The following SLC26A3 variants were observed in gnomAD, a reference collection of about 807,000 sequenced individuals.
The protein encoded by SLC26A3 is solute carrier family 26 member 3.
Under a neutral mutation model 85.6 loss-of-function variants are expected in SLC26A3, and 64 were observed. The ratio of observed to expected loss-of-function variants is 0.75; its 90% CI spans 0.61 to 0.92. The LOEUF is 0.92. SLC26A3 is among the 40% of genes least tolerant of loss of function. The pLI is 0.00. For synonymous variants in SLC26A3, 349 were observed against 336.0 expected, an observed-to-expected ratio of 1.04 and a Z score of -0.42; for missense variants, 922 against 927.3, an observed-to-expected ratio of 0.99 and a Z score of 0.07.
In SLC26A3 at chr7:107,782,786, G is replaced by C; in HGVS notation, c.1311+11C>G. ...ACTAAAAGTAGAGATGCTATCCAAAGACAGTGTTACCTTTTGTAGAGGCGC... is the reference window on the plus strand; with the variant it reads ...ACTAAAAGTAGAGATGCTATCCAAACACAGTGTTACCTTTTGTAGAGGCGC... On this transcript the variant is annotated intron_variant, in intron 11 of 20. Transcript: ENST00000340010. The C allele has an allele frequency of 6.2e-7, 1 of 1,612,548 alleles. No individual in the cohort carries two copies.
At chr7:107,797,858 A>G (rs1794536623) in intron 1 of SLC26A3, among the ~76,000 whole-genome samples, 1 of 151,380 alleles carries the variant, frequency 6.6e-6, no homozygotes, top group Admixed American at 6.6e-5. Context: ...TTTCACCTGA[A>G]CAAGTTACAT....
intron 12 of SLC26A3, among the ~76,000 whole-genome samples, chr7:107,779,276 T>A (rs1794178707): frequency 6.6e-6 from 1 of 152,172 alleles, no homozygotes; most frequent in South Asian, 2.1e-4. Flanking sequence ...CCAAAAGCAA[T>A]GTTCAGAAAT....
chr7:107,776,423 G>GA (rs771040356), intron 15 of SLC26A3, 29 bp downstream of exon 15: 2 of 1,551,050 alleles, frequency 1.3e-6, no homozygotes, highest in Non-Finnish European at 1.8e-6. Flanking sequence ...AGATTACAAG[G>GA]AAAAAAATTA....
rs60147601 is a variant in SLC26A3 at position 107,776,692 on chromosome 7, G to A, written c.1529C>T (p.Thr510Met). The A allele has an allele frequency of 1.3e-3, 2,164 of 1,613,546 alleles. 26 individuals carry two copies. In the African/African-American group the frequency reaches 0.025, roughly 19 times the overall value. Reference sequence around the variant, plus strand: ...GTTGGTTCTTCCAATATTAGCCAGCGTGCTGCATTTTGGACTGTAGGGAGA... The same window carrying A: ...GTTGGTTCTTCCAATATTAGCCAGCATGCTGCATTTTGGACTGTAGGGAGA... Reference protein sequence around the residue: ...VFRTQFPKCSTLANIGRTNIY... With the variant: ...VFRTQFPKCSMLANIGRTNIY... The change falls in exon 14 of 21, where the codon ACG (threonine) becomes ATG (methionine). Residue 510 changes from threonine to methionine, a missense_variant. Physicochemically the swap from Thr to Met is moderately conservative, Grantham distance 81 (BLOSUM62 -1). Transcript: ENST00000340010.
chr7:107,792,085 A>T (rs1197512957), intron 3 of SLC26A3, 145 bp from the exon 4 acceptor site: 1 of 607,426 alleles, frequency 1.6e-6, no homozygotes, highest in East Asian at 2.9e-5. Context: ...AAATGTAAGA[A>T]CTAAAACTAT....
chr7:107,776,332 C>T, intron 15 of SLC26A3, 120 bp downstream of exon 15: 1 of 846,134 alleles, frequency 1.2e-6, no homozygotes, highest in Non-Finnish European at 2.0e-6. Context: ...AAAATACTGA[C>T]ACAACCCCAC....
At chr7:107,799,451 C>A (rs1241069974) in intron 1 of SLC26A3, among the ~76,000 whole-genome samples, 1 of 151,962 alleles carries the variant, frequency 6.6e-6, no homozygotes, top group Non-Finnish European at 1.5e-5. Flanking sequence ...AGTGCAGTGG[C>A]GCGATTTCAT....
intron 8 of SLC26A3, among the ~76,000 whole-genome samples, chr7:107,785,255 A>G (rs1794274041): frequency 6.6e-6 from 1 of 152,210 alleles, no homozygotes; most frequent in South Asian, 2.1e-4. Flanking sequence ...AGCCAAGAAC[A>G]TTGAGGCACA....
rs751549131 is a variant in SLC26A3 at position 107,773,979 on chromosome 7, T to C, written c.1948A>G (p.Ile650Val). ...EVPKISLHSL[I>V]LDFSAVSFLD... ...AAGGACACTGCTGAAAAGTCAAGAA[T>C]GAGGCTGTGGAGGCTGATTTTGGGG... is the stretch of plus-strand genomic sequence containing the variant. Residue 650 changes from isoleucine (I) to valine (V), a missense_variant, in exon 17 of 21, where the codon ATT becomes GTT. Ile to Val is a conservative substitution (Grantham distance 29). Transcript: ENST00000340010. 3.7e-6 allele frequency: 6 copies of C among 1,614,028 alleles called. No homozygotes were observed. The highest frequency in any genetic ancestry group is 4.2e-6 in the Non-Finnish European group (5 of 1,180,012).
chr7:107,793,727 TA>T lies in SLC26A3; in HGVS notation c.271+14del, dbSNP rs748141043. ...AATTTTATTGTATATAAATTATACT[TA>T]AAAAAAATTTTACCTTGTAGTACGG... On this transcript the variant is annotated intron_variant, in intron 3 of 20. Transcript: ENST00000340010. The T allele has an allele frequency of 1.6e-4, 252 of 1,594,460 alleles. No individual in the cohort carries two copies. In the African/African-American group the frequency reaches 2.3e-3, roughly 15 times the overall value.
chr7:107,798,749 A>G (rs1461163555), intron 1 of SLC26A3, among the ~76,000 whole-genome samples: 5 of 152,186 alleles, frequency 3.3e-5, no homozygotes, highest in African/African-American at 1.2e-4. Flanking sequence ...CGATAGAGAC[A>G]TCACTGAAAA....
intron 13 of SLC26A3, 34 bp downstream of exon 13, chr7:107,778,141 G>T: frequency 6.9e-7 from 1 of 1,442,468 alleles, no homozygotes; most frequent in Non-Finnish European, 9.8e-7. Context: ...GCAGGTCCAA[G>T]CCTGCCAGGA....
Position 107,774,135 on chromosome 7 carries a change from C to T in SLC26A3, c.1792G>A (p.Val598Ile), listed in dbSNP as rs1031212863. ...QVTPKGFICTVDTIKDSDEEL... is the reference protein window; with the variant it reads ...QVTPKGFICTIDTIKDSDEEL... The stretch of plus-strand genomic sequence containing the variant: ...TCGTCAGAATCTTTTATGGTGTCAA[C>T]AGTACATATAAATCCTTTCTGCAGG... The change falls in exon 17 of 21, where the codon GTT becomes ATT. Residue 598 changes from valine (V) to isoleucine (I), a missense_variant. Val to Ile is a conservative substitution (Grantham distance 29). Coordinates refer to ENST00000340010, the MANE Select transcript of SLC26A3 (RefSeq NM_000111.3). The T allele has an allele frequency of 1.1e-5, 17 of 1,613,664 alleles. No homozygotes were observed. The highest frequency in any genetic ancestry group is 1.3e-5 in the Non-Finnish European group (15 of 1,179,588).
At chr7:107,796,761 G>A (rs1794508685) in intron 1 of SLC26A3, among the ~76,000 whole-genome samples, 1 of 143,830 alleles carries the variant, frequency 7.0e-6, no homozygotes, top group African/African-American at 2.7e-5. Flanking sequence ...TCCTTTGAAG[G>A]AACCAACCTA....
intron 11 of SLC26A3, among the ~76,000 whole-genome samples, chr7:107,780,623 C>G (rs1272657189): frequency 1.3e-5 from 2 of 152,060 alleles, no homozygotes; most frequent in Non-Finnish European, 2.9e-5. Context: ...AAAGAAAAGC[C>G]AAATACAGTT....
chr7:107,793,567 G>C (rs1346162216), intron 3 of SLC26A3, among the ~76,000 whole-genome samples, 175 bp downstream of exon 3: 1 of 152,112 alleles, frequency 6.6e-6, no homozygotes, highest in Non-Finnish European at 1.5e-5. Flanking sequence ...AAGGGTAGGG[G>C]GGATGTGAAG....
At chr7:107,800,481 T>C (rs1305130837) in intron 1 of SLC26A3, among the ~76,000 whole-genome samples, 2 of 152,234 alleles carry the variant, frequency 1.3e-5, no homozygotes, top group Non-Finnish European at 2.9e-5. Context: ...CTTCATGGAA[T>C]CCCTAGATAG....
intron 16 of SLC26A3, 91 bp from the exon 17 acceptor site, chr7:107,774,244 C>G (rs1206663306): frequency 5.9e-6 from 6 of 1,024,708 alleles, no homozygotes; most frequent in Non-Finnish European, 9.2e-6. Context: ...AGCACTGATT[C>G]TGAGTTGAGC....
chr7:107,781,314 T>A (rs1322114975), intron 11 of SLC26A3, among the ~76,000 whole-genome samples: 2 of 152,174 alleles, frequency 1.3e-5, no homozygotes, highest in African/African-American at 4.8e-5. Flanking sequence ...TTATTTTGCC[T>A]TCATATGATA....
Sources: allele counts gnomAD v4.1 joint callset (sites outside exome capture counted in the v4.1 genomes callset), GRCh38; gene constraint gnomAD v4.1.1; transcripts MANE v1.5; gene names NCBI Gene and HGNC (gene_info 2026-07-23, HGNC 2026-07-21).